The following USP7 variants were observed in gnomAD, a reference collection of about 807,000 sequenced individuals.
USP7 encodes the protein ubiquitin C-terminal hydrolase 7.
A neutral mutation model predicts 162.9 loss-of-function variants in USP7; 9 were observed. That is an observed-to-expected ratio of 0.06 (90% CI 0.03 to 0.10). USP7 has a LOEUF of 0.10. Among genes scored for constraint, USP7 ranks in the 10% least tolerant of loss-of-function variants. USP7 has a pLI of 1.00. For synonymous variants in USP7, 562 were observed against 475.9 expected (o/e 1.18, Z -2.35); for missense variants, 715 against 1,373.7 (o/e 0.52, Z 7.58).
chr16:8,914,446 G>C (rs2061998063), intron 10 of USP7, among the ~76,000 whole-genome samples: 1 of 152,158 alleles, frequency 6.6e-6, no homozygotes, highest in South Asian at 2.1e-4. Flanking sequence ...ATTAAGAATG[G>C]TCGATCTGCC....
In USP7 at chr16:8,892,378, G is replaced by A. The variant is rs774688722; in HGVS notation, c.*1620C>T. 1 of 152,362 alleles carries A rather than the reference G, an allele frequency of 6.6e-6. No individual in the cohort carries two copies. Among genetic ancestry groups the A allele is most frequent in the Admixed American group, 6.5e-5 (1 of 15,284 alleles). The allele number at this position is 152,362 out of a possible 1,614,324, so 9.4% of individuals were successfully genotyped here. ...GCACACACACTGCAGTGGAAGTTGA[G>A]AAAGGAAGTCACTCCAAGGTACACA... On this transcript the variant is annotated 3_prime_UTR_variant, in exon 31 of 31. Coordinates refer to ENST00000344836, the MANE Select transcript of USP7 (RefSeq NM_003470.3).
chr16:8,897,173 G>A (rs1189226366), intron 25 of USP7, 74 bp from the exon 26 acceptor site: 1 of 1,181,872 alleles, frequency 8.5e-7, no homozygotes. Context: ...GAAGAGAGGA[G>A]AAAGTTGCAT....
chr16:8,944,232 C>CAAAA (rs36002655), intron 1 of USP7, among the ~76,000 whole-genome samples: 3 of 147,092 alleles, frequency 2.0e-5, no homozygotes, highest in Non-Finnish European at 4.5e-5. Flanking sequence ...AACAGAGGTG[C>CAAAA]AAAAAAAAAA....
At chr16:8,923,457 C>T (rs1455718811) in intron 2 of USP7, 44 bp from the exon 3 acceptor site, 1 of 1,595,212 alleles carries the variant, frequency 6.3e-7, no homozygotes, top group Admixed American at 1.7e-5. Flanking sequence ...TGTGCATTGA[C>T]CAAAAGCACT....
At chr16:8,956,600 A>G (rs1328830531) in intron 1 of USP7, among the ~76,000 whole-genome samples, 1 of 152,088 alleles carries the variant, frequency 6.6e-6, no homozygotes, top group African/African-American at 2.4e-5. Flanking sequence ...CGCCATCTCT[A>G]CTAAAATATA....
intron 23 of USP7, 22 bp downstream of exon 23, chr16:8,899,099 A>G: frequency 1.2e-6 from 2 of 1,613,420 alleles, no homozygotes; most frequent in South Asian, 1.1e-5. Flanking sequence ...AGACCAAGCA[A>G]GTGTCCACAC....
chr16:8,906,671 GC>G (rs2061865193), intron 12 of USP7, 89 bp from the exon 13 acceptor site: 1 of 1,324,868 alleles, frequency 7.5e-7, no homozygotes, highest in South Asian at 1.4e-5. Context: ...TAATGTACTG[GC>G]TCATCTTTAA....
rs2061893477 is a variant in USP7, at chr16:8,908,456, C to T, written c.1162-6G>A. Reference sequence around the variant, plus strand: ...TTCACACCTTTCTCTGCTTCCTAAACATTGAAAAACAAATGCAAATGTAGT... The same window carrying T: ...TTCACACCTTTCTCTGCTTCCTAAATATTGAAAAACAAATGCAAATGTAGT... On this transcript the variant is annotated splice_polypyrimidine_tract_variant and splice_region_variant and intron_variant, in intron 11 of 30. Coordinates refer to ENST00000344836, the MANE Select transcript of USP7 (RefSeq NM_003470.3). 1 of 1,603,734 alleles carries T rather than the reference C, an allele frequency of 6.2e-7. No homozygotes were observed. Among genetic ancestry groups the T allele is most frequent in the South Asian group, 1.1e-5 (1 of 89,520 alleles).
intron 1 of USP7, among the ~76,000 whole-genome samples, chr16:8,942,066 G>A (rs944207043): frequency 2.6e-5 from 4 of 152,274 alleles, no homozygotes; most frequent in African/African-American, 7.2e-5. Context: ...AGATGGAAAA[G>A]TGCAGTCCAG....
At position 8,893,864 on chromosome 16, in the gene USP7, CAATAA is replaced by C. The variant is rs1180255773; in HGVS notation, c.*129_*133del. ...ACAGAGAAGCCAAACTGAACAGCCT[CAATAA>C]AATAAAATTAACACCAGCAGCGAAT... On this transcript the variant is annotated 3_prime_UTR_variant, in exon 31 of 31. Transcript: ENST00000344836. The C allele has an allele frequency of 6.6e-6, 5 of 760,100 alleles. No homozygotes were observed. Among genetic ancestry groups the C allele is most frequent in the Non-Finnish European group, 9.0e-6 (4 of 444,176 alleles). The allele number at this position is 760,100 out of a possible 1,614,324, so 47.1% of individuals were successfully genotyped here.
chr16:8,929,321 C>G (rs1010389399), intron 2 of USP7: 3 of 361,672 alleles, frequency 8.3e-6, no homozygotes, highest in African/African-American at 4.3e-5. Context: ...CGGTGGAAAG[C>G]GCACTCCACA....
At chr16:8,949,328 A>C (rs77863729) in intron 1 of USP7, among the ~76,000 whole-genome samples, 7,121 of 152,334 alleles carry the variant, frequency 0.047, 228 homozygotes, top group Middle Eastern at 0.14. Context: ...TGAGACATAA[A>C]AATGCAATGC....
chr16:8,933,782 G>C (rs186951439), intron 1 of USP7, among the ~76,000 whole-genome samples: 3 of 149,278 alleles, frequency 2.0e-5, no homozygotes, highest in East Asian at 2.0e-4. Context: ...TTGAGATGGA[G>C]TCTTCCTCTA....
At chr16:8,913,051 A>G (rs1161632287) in intron 10 of USP7, among the ~76,000 whole-genome samples, 2 of 147,394 alleles carry the variant, frequency 1.4e-5, no homozygotes. Context: ...GTGAGAAGGA[A>G]AAAACCTTAA....
chr16:8,910,623 T>G (rs1033026371), intron 11 of USP7, 122 bp downstream of exon 11: 6 of 833,516 alleles, frequency 7.2e-6, no homozygotes, highest in Non-Finnish European at 1.1e-5. Context: ...ACAGAATCCT[T>G]GTATATTCTA....
At chr16:8,954,682 A>T (rs543591490) in intron 1 of USP7, among the ~76,000 whole-genome samples, 1 of 152,330 alleles carries the variant, frequency 6.6e-6, no homozygotes, top group East Asian at 1.9e-4. Flanking sequence ...TAGTTTAATA[A>T]CAGCAATTGC....
At chr16:8,902,600 T>C (rs1344147818) in intron 16 of USP7, 118 bp from the exon 17 acceptor site, 1 of 875,332 alleles carries the variant, frequency 1.1e-6, no homozygotes, top group East Asian at 2.9e-5. Flanking sequence ...GTTAAGACTG[T>C]GATCGTAGGC....
chr16:8,919,428 G>A (rs901311218), intron 5 of USP7, among the ~76,000 whole-genome samples: 4 of 152,060 alleles, frequency 2.6e-5, no homozygotes, highest in Non-Finnish European at 5.9e-5. Context: ...AGACCTGCAT[G>A]CTCACACCCA....
Position 8,936,722 on chromosome 16 carries a change from T to C in USP7, c.80-6325A>G, listed in dbSNP as rs569024706. On this transcript the variant is annotated intron_variant, in intron 1 of 30. Coordinates refer to ENST00000344836, the MANE Select transcript of USP7 (RefSeq NM_003470.3). ...GGAGCTCTACCTCAGCATTCTTTTT[T>C]ATTTTTTAAAGCATCCCACAGAAGC... The C allele has an allele frequency of 3.2e-4, 446 of 1,410,704 alleles. 5 individuals carry two copies. The highest frequency in any genetic ancestry group is 1.4e-3 in the Middle Eastern group (6 of 4,390). The allele number at this position is 1,410,704 out of a possible 1,614,324, so 87.4% of individuals were successfully genotyped here. A position where few individuals can be genotyped will look rare whatever the true frequency, so the allele number is the denominator to read the frequency against.
Sources: allele counts gnomAD v4.1 joint callset (sites outside exome capture counted in the v4.1 genomes callset), GRCh38; gene constraint gnomAD v4.1.1; transcripts MANE v1.5; gene names NCBI Gene and HGNC (gene_info 2026-07-23, HGNC 2026-07-21).